GRM1: variants seen among roughly 807,000 people sequenced by gnomAD.
GRM1 encodes glutamate metabotropic receptor 1.
A neutral mutation model predicts 90.9 loss-of-function variants in GRM1; 33 were observed. That is an observed-to-expected ratio of 0.36 (90% CI 0.28 to 0.49). GRM1 has a LOEUF of 0.49. GRM1 is among the 20% of genes least tolerant of loss of function. The pLI is 0.99. For missense variants in GRM1, 1,190 were observed against 1,534.3 expected (o/e 0.78, Z 3.75); for synonymous variants, 700 against 613.2 (o/e 1.14, Z -2.09).
At chr6:146,308,803 A>C (rs1245538525) in intron 3 of GRM1, among the ~76,000 whole-genome samples, 1 of 152,032 alleles carries the variant, frequency 6.6e-6, no homozygotes, top group Non-Finnish European at 1.5e-5. Context: ...GTTTTAAATT[A>C]TGTATTAATA....
chr6:146,366,725 T>C (rs192580629), intron 5 of GRM1, among the ~76,000 whole-genome samples: 32 of 152,284 alleles, frequency 2.1e-4, no homozygotes, highest in Admixed American at 2.0e-3. Context: ...TAGGTTTTTT[T>C]CCCCATTTTT....
intron 1 of GRM1, among the ~76,000 whole-genome samples, chr6:146,082,542 T>C (rs1331787904): frequency 6.6e-6 from 1 of 152,174 alleles, no homozygotes; most frequent in Non-Finnish European, 1.5e-5. Flanking sequence ...CCCATGTCAT[T>C]ATCTTTAACC....
intron 5 of GRM1, among the ~76,000 whole-genome samples, chr6:146,362,552 G>A (rs893549390): frequency 2.0e-5 from 3 of 148,636 alleles, no homozygotes; most frequent in Non-Finnish European, 3.0e-5. Context: ...GGTGGCAGGC[G>A]CCTGTAATCA....
chr6:146,040,248 G>A (rs894452911), intron 1 of GRM1, among the ~76,000 whole-genome samples: 2 of 151,966 alleles, frequency 1.3e-5, no homozygotes, highest in African/African-American at 2.4e-5. Flanking sequence ...GGTAAAAGAG[G>A]AAGAACTATA....
chr6:146,072,261 C>T (rs1338663840), intron 1 of GRM1, among the ~76,000 whole-genome samples: 3 of 152,112 alleles, frequency 2.0e-5, no homozygotes, highest in African/African-American at 7.2e-5. Context: ...CTTAATTGAC[C>T]TGCTCAGATA....
intron 1 of GRM1, among the ~76,000 whole-genome samples, chr6:146,132,909 C>T (rs1206073617): frequency 6.6e-6 from 1 of 152,192 alleles, no homozygotes; most frequent in Non-Finnish European, 1.5e-5. Context: ...CCTAGTTCTA[C>T]CTGGCATGTA....
At chr6:146,149,911 A>G (rs1004569739) in intron 1 of GRM1, among the ~76,000 whole-genome samples, 1 of 152,076 alleles carries the variant, frequency 6.6e-6, no homozygotes, top group African/African-American at 2.4e-5. Context: ...CAGCTCCTTC[A>G]CTGACCTTGA....
rs370690171 is a variant in GRM1, at chr6:146,120,062, C to T, written c.701-39286C>T. Among the ~76,000 whole-genome samples the T allele has an allele frequency of 1.1e-4, 17 of 152,258 alleles. No homozygotes were observed. The East Asian group carries it at 3.1e-3, about 28-fold the overall frequency. ...GGCCATTTTCACGATATTGATTATT[C>T]CTATCCATGAGCATGGAGTGTTCTT... On this transcript the variant is annotated intron_variant, in intron 1 of 7. Transcript: ENST00000282753.
At chr6:146,310,909 A>G (rs1380026722) in intron 3 of GRM1, among the ~76,000 whole-genome samples, 2 of 152,186 alleles carry the variant, frequency 1.3e-5, no homozygotes, top group Non-Finnish European at 2.9e-5. Context: ...TGACTCCTAG[A>G]TTCATGAACT....
intron 5 of GRM1, 118 bp from the exon 6 acceptor site, chr6:146,386,772 A>T (rs1776522076): frequency 5.3e-6 from 4 of 752,930 alleles, no homozygotes; most frequent in African/African-American, 1.8e-5. Flanking sequence ...AGCATATAAG[A>T]TTATTTTCAT....
At chr6:146,429,716 C>CT (rs776819861) in intron 7 of GRM1, among the ~76,000 whole-genome samples, 2 of 152,092 alleles carry the variant, frequency 1.3e-5, no homozygotes, top group Non-Finnish European at 2.9e-5. Flanking sequence ...AAGTCTGTGC[C>CT]TTTTTATCTT....
chr6:146,323,614 T>G (rs1293069158), intron 3 of GRM1, among the ~76,000 whole-genome samples: 1 of 152,202 alleles, frequency 6.6e-6, no homozygotes, highest in East Asian at 1.9e-4. Context: ...CATTTGTCAA[T>G]TTTGTCTTTT....
intron 3 of GRM1, among the ~76,000 whole-genome samples, chr6:146,328,821 G>T (rs554190284): frequency 2.6e-5 from 4 of 152,216 alleles, no homozygotes; most frequent in Admixed American, 6.5e-5. Context: ...TATTGATTAG[G>T]TGCAGTTGGG....
chr6:146,178,242 T>C (rs1301274206), intron 2 of GRM1, among the ~76,000 whole-genome samples: 5 of 152,186 alleles, frequency 3.3e-5, no homozygotes, highest in African/African-American at 1.2e-4. Flanking sequence ...GGTCTGGTAG[T>C]TTGTAGAATG....
intron 3 of GRM1, among the ~76,000 whole-genome samples, chr6:146,327,891 A>T (rs1784449664): frequency 6.6e-6 from 1 of 152,114 alleles, no homozygotes; most frequent in Admixed American, 6.6e-5. Context: ...AGAGATTTCG[A>T]TGGGCGATTT....
chr6:146,114,567 A>G (rs1331695926), intron 1 of GRM1, among the ~76,000 whole-genome samples: 2 of 152,178 alleles, frequency 1.3e-5, no homozygotes, highest in Non-Finnish European at 2.9e-5. Context: ...TCAGTTGTAT[A>G]TTATGAGGCC....
intron 2 of GRM1, among the ~76,000 whole-genome samples, chr6:146,221,467 T>G (rs548129388): frequency 3.5e-4 from 53 of 152,328 alleles, no homozygotes; most frequent in African/African-American, 1.2e-3. Context: ...GTTCCTGTGT[T>G]AGTTTGCTGA....
chr6:146,276,948 A>G (rs1782392594), intron 2 of GRM1, among the ~76,000 whole-genome samples: 1 of 152,080 alleles, frequency 6.6e-6, no homozygotes, highest in African/African-American at 2.4e-5. Context: ...CAAATAATAA[A>G]TTAATAAAAA....
chr6:146,032,954 G>C (rs552788377), intron 1 of GRM1, among the ~76,000 whole-genome samples: 7 of 151,846 alleles, frequency 4.6e-5, no homozygotes, highest in African/African-American at 1.7e-4. Context: ...GATATTTTCT[G>C]TTTTGTTTTG....
Sources: gnomAD v4.1 joint callset for allele counts (sites outside exome capture counted in the v4.1 genomes callset) on GRCh38, gnomAD v4.1.1 for gene constraint, MANE v1.5 for transcripts, NCBI Gene and HGNC (gene_info 2026-07-23, HGNC 2026-07-21) for gene names.